CEP85L: variants seen among roughly 807,000 people sequenced by gnomAD.
CEP85L encodes centrosomal protein 85L.
A neutral mutation model predicts 100.3 loss-of-function variants in CEP85L; 60 were observed. That is an observed-to-expected ratio of 0.60 (90% CI 0.49 to 0.74). CEP85L has a LOEUF of 0.74. Among genes scored for constraint, CEP85L ranks in the 30% least tolerant of loss-of-function variants. CEP85L has a pLI of 0.00. For missense variants in CEP85L, 973 were observed against 936.2 expected, an observed-to-expected ratio of 1.04 and a Z score of -0.51; for synonymous variants, 319 against 322.7, an observed-to-expected ratio of 0.99 and a Z score of 0.12.
At position 118,564,023 on chromosome 6, in the gene CEP85L, G is replaced by A. The variant is rs547559878; in HGVS notation, c.1020+1506C>T. ...TAATCAAGAAGTAGGGCTTTCCAGG[G>A]TATATGCAAATTTTGCTCTTTAGTT... is the stretch of plus-strand genomic sequence containing the variant. On this transcript the variant is annotated intron_variant, in intron 3 of 12. Coordinates refer to ENST00000368491, the MANE Select transcript of CEP85L (RefSeq NM_001042475.3). Among the ~76,000 whole-genome samples the A allele has an allele frequency of 8.7e-4, 133 of 152,220 alleles. 4 individuals carry two copies. The South Asian group carries it at 0.025, about 28-fold the overall frequency.
chr6:118,480,946 T>C (rs948322722), intron 8 of CEP85L, among the ~76,000 whole-genome samples: 1 of 152,138 alleles, frequency 6.6e-6, no homozygotes, highest in African/African-American at 2.4e-5. Flanking sequence ...AAAAGTTTGC[T>C]TGTAAGAATA....
In CEP85L at chr6:118,651,362, G is replaced by A. The variant is rs559911037; in HGVS notation, c.-93C>T. On this transcript the variant is annotated 5_prime_UTR_variant, in exon 1 of 13. Coordinates refer to ENST00000368491, the MANE Select transcript of CEP85L (RefSeq NM_001042475.3). ...CGGCGGAAACTTGCGCGGAGCGTGG[G>A]CCTCGGCGACACGGGCAGGAGGAAA... 5 of 1,376,340 alleles carry A rather than the reference G, an allele frequency of 3.6e-6. No individual in the cohort carries two copies. The South Asian group carries it at 8.1e-5, about 22-fold the overall frequency. The allele number at this position is 1,376,340 out of a possible 1,614,324, so 85.3% of individuals were successfully genotyped here.
chr6:118,501,752 G>C, intron 5 of CEP85L: 1 of 888,370 alleles, frequency 1.1e-6, no homozygotes. Flanking sequence ...GAAAAAACTT[G>C]AAAGCAGAAA....
chr6:118,469,224 A>C lies in CEP85L; in HGVS notation c.2102T>G (p.Leu701Arg), dbSNP rs751184064. The C allele has an allele frequency of 2.5e-6, 4 of 1,613,998 alleles. No homozygotes were observed. Among genetic ancestry groups the C allele is most frequent in the Non-Finnish European group, 3.4e-6 (4 of 1,179,962 alleles). The change falls in exon 12 of 13, where the codon CTT (leucine) becomes CGT (arginine). Residue 701 changes from leucine to arginine, a missense_variant. Leu to Arg is a moderately radical substitution (Grantham distance 102). This residue lies in a region of CEP85L where 890 missense variants were observed against 844.5 expected (regional missense o/e 1.05). Transcript: ENST00000368491. ...CAAATCAAATAGTGGCCGTTTGGAAAGAACTGTCTGCTGCCTAGATTGGTC... is the reference window on the plus strand; with the variant it reads ...CAAATCAAATAGTGGCCGTTTGGAACGAACTGTCTGCTGCCTAGATTGGTC... ...EPDQSRQQTV[L>R]SKRPLFDLTV...
intron 3 of CEP85L, among the ~76,000 whole-genome samples, chr6:118,538,532 T>A (rs1777730383): frequency 6.6e-6 from 1 of 152,042 alleles, no homozygotes; most frequent in Non-Finnish European, 1.5e-5. Flanking sequence ...GAGAAAAATT[T>A]TTCCTCTTAA....
chr6:118,667,996 A>G (rs1776183205), intron 1 of CEP85L, among the ~76,000 whole-genome samples: 1 of 152,222 alleles, frequency 6.6e-6, no homozygotes, highest in Non-Finnish European at 1.5e-5. Context: ...GGGCTGAGCA[A>G]ATATCTCCCC....
chr6:118,491,769 C>T lies in CEP85L; in HGVS notation c.1354G>A (p.Glu452Lys). 1 of 1,613,106 alleles carries T rather than the reference C, an allele frequency of 6.2e-7. No homozygotes were observed. The highest frequency in any genetic ancestry group is 8.5e-7 in the Non-Finnish European group (1 of 1,179,474). Reference sequence around the variant, plus strand: ...TCATTAAGCTGTAAAACTTCTTTCTCAGTAGATGCAAGCTTTTGCTCAAAT... The same window carrying T: ...TCATTAAGCTGTAAAACTTCTTTCTTAGTAGATGCAAGCTTTTGCTCAAAT... ...GEFEQKLAST[E>K]KEVLQLNEFL... Residue 452 changes from glutamate to lysine, a missense_variant, in exon 6 of 13, where the codon GAG becomes AAG. By Grantham distance (56) the Glu-to-Lys change is moderately conservative. Around this residue, in one of 3 missense-constraint regions of CEP85L, gnomAD observed 890 missense variants for 844.5 expected, o/e 1.05. Coordinates refer to ENST00000368491, the MANE Select transcript of CEP85L (RefSeq NM_001042475.3).
intron 10 of CEP85L, among the ~76,000 whole-genome samples, chr6:118,477,948 CAG>C (rs1412137533): frequency 3.9e-5 from 6 of 152,020 alleles, no homozygotes; most frequent in African/African-American, 1.2e-4. Flanking sequence ...AATTCAAAAA[CAG>C]AGCTATAGCA....
intron 2 of CEP85L, among the ~76,000 whole-genome samples, chr6:118,596,933 A>AT (rs1781484630): frequency 2.0e-5 from 3 of 152,104 alleles, no homozygotes; most frequent in Admixed American, 1.3e-4. Context: ...AGTTCCCATA[A>AT]TCCCCACATG....
At chr6:118,508,411 G>C (rs1187152218) in intron 5 of CEP85L, among the ~76,000 whole-genome samples, 3 of 151,940 alleles carry the variant, frequency 2.0e-5, no homozygotes, top group South Asian at 2.1e-4. Context: ...AAAGAAAAAG[G>C]GTCCTTCATA....
intron 3 of CEP85L, among the ~76,000 whole-genome samples, chr6:118,525,215 T>C (rs918963569): frequency 2.0e-5 from 3 of 151,976 alleles, no homozygotes; most frequent in African/African-American, 7.3e-5. Flanking sequence ...TTAGAAAAAA[T>C]TGCTTAGAAT....
rs532819208 is a variant in CEP85L, at chr6:118,666,312, C to CTA, written c.-27-13506_-27-13505dup. Among the ~76,000 whole-genome samples, 1,287 of 152,266 alleles carry CTA rather than the reference C, an allele frequency of 8.5e-3. 6 individuals are homozygous for CTA. Among genetic ancestry groups the CTA allele is most frequent in the South Asian group, 0.011 (51 of 4,820 alleles). Reference sequence around the variant, plus strand: ...CTTAAGAGTCCTAGAAATCAGAAAGCTATAGTCTGCTACAATTTTAAATAG... The same window carrying CTA: ...CTTAAGAGTCCTAGAAATCAGAAAGCTATATAGTCTGCTACAATTTTAAATAG... On this transcript the variant is annotated intron_variant, in intron 1 of 13. Coordinates refer to the CEP85L transcript ENST00000368488.
chr6:118,643,427 C>T (rs946534394), intron 1 of CEP85L, among the ~76,000 whole-genome samples: 2 of 152,074 alleles, frequency 1.3e-5, no homozygotes, highest in Non-Finnish European at 2.9e-5. Flanking sequence ...ATCTTTCATC[C>T]CAAAATCTTT....
chr6:118,665,458 A>G (rs1196638008), intron 1 of CEP85L, among the ~76,000 whole-genome samples: 1 of 152,064 alleles, frequency 6.6e-6, no homozygotes, highest in Non-Finnish European at 1.5e-5. Context: ...TCCCAGGCTC[A>G]GATGATTCTC....
At chr6:118,643,703 G>A (rs980677001) in intron 1 of CEP85L, among the ~76,000 whole-genome samples, 2 of 152,174 alleles carry the variant, frequency 1.3e-5, no homozygotes, top group African/African-American at 4.8e-5. Context: ...AAAAGTAGGG[G>A]TAGAGTTACT....
intron 2 of CEP85L, among the ~76,000 whole-genome samples, chr6:118,588,423 G>A (rs968434993): frequency 2.6e-5 from 4 of 152,168 alleles, no homozygotes; most frequent in South Asian, 2.1e-4. Flanking sequence ...GCACAAAATC[G>A]ACAGGCCTTA....
rs1001107669 is a variant in CEP85L at position 118,502,306 on chromosome 6, C to T, written c.1257+8992G>A. On this transcript the variant is annotated intron_variant, in intron 5 of 12. Coordinates refer to ENST00000368491, the MANE Select transcript of CEP85L (RefSeq NM_001042475.3). Reference sequence around the variant, plus strand: ...AATCTATGCAATCTATGGGGGAAGACTGATCTTCCAAGCAATTTCAGCAAC... The same window carrying T: ...AATCTATGCAATCTATGGGGGAAGATTGATCTTCCAAGCAATTTCAGCAAC... 30 of 521,900 alleles carry T rather than the reference C, an allele frequency of 5.7e-5. No homozygotes were observed. The Admixed American group carries it at 9.0e-4, about 16-fold the overall frequency. 32.3% of individuals were successfully genotyped at this position (521,900 alleles called of 1,614,324 possible). A position where few individuals can be genotyped will look rare whatever the true frequency, so the allele number is the denominator to read the frequency against.
At chr6:118,683,721 G>C (rs1776740190) in intron 1 of CEP85L, among the ~76,000 whole-genome samples, 1 of 152,200 alleles carries the variant, frequency 6.6e-6, no homozygotes, top group East Asian at 1.9e-4. Context: ...AAAGCATATA[G>C]TTAATTAAAG....
At chr6:118,499,791 G>A (rs150730181) in intron 5 of CEP85L, among the ~76,000 whole-genome samples, 15 of 152,292 alleles carry the variant, frequency 9.8e-5, no homozygotes, top group Admixed American at 7.8e-4. Flanking sequence ...TTATAGTGGT[G>A]AGAAACTTGA....
Sources: gnomAD v4.1 joint callset for allele counts (sites outside exome capture counted in the v4.1 genomes callset) on GRCh38, gnomAD v4.1.1 for gene constraint, gnomAD v4.1.1 regional missense constraint, MANE v1.5 for transcripts, NCBI Gene and HGNC (gene_info 2026-07-23, HGNC 2026-07-21) for gene names.